CNTN5: variants seen among roughly 807,000 people sequenced by gnomAD.
CNTN5 encodes contactin 5.
CNTN5 carries 77 observed loss-of-function variants against 129.1 expected under a neutral mutation model. The ratio of observed to expected loss-of-function variants is 0.60; its 90% CI spans 0.50 to 0.72. The LOEUF is 0.72. CNTN5 is among the 30% of genes least tolerant of loss of function. The pLI, the probability that CNTN5 is intolerant of heterozygous loss-of-function variation, is 0.00. For synonymous variants in CNTN5, 509 were observed against 465.6 expected (o/e 1.09, Z -1.20); for missense variants, 1,478 against 1,328.8 (o/e 1.11, Z -1.75).
At chr11:99,296,908 G>C (rs1265189017) in intron 1 of CNTN5, among the ~76,000 whole-genome samples, 3 of 152,154 alleles carry the variant, frequency 2.0e-5, no homozygotes, top group Admixed American at 2.0e-4. Flanking sequence ...GATAGTGAAT[G>C]GAGGAGAGAC....
chr11:99,695,596 G>A (rs867365736), intron 3 of CNTN5, among the ~76,000 whole-genome samples: 3 of 151,878 alleles, frequency 2.0e-5, no homozygotes, highest in South Asian at 2.1e-4. Context: ...TGGTGCTTAA[G>A]AACACTAAGG....
At chr11:100,273,545 C>A (rs1005624728) in intron 18 of CNTN5, among the ~76,000 whole-genome samples, 1 of 152,132 alleles carries the variant, frequency 6.6e-6, no homozygotes, top group Non-Finnish European at 1.5e-5. Flanking sequence ...TTGAGTGACC[C>A]CTCCAGCTTG....
chr11:99,425,639 G>C (rs1471166100), intron 2 of CNTN5, among the ~76,000 whole-genome samples: 1 of 152,256 alleles, frequency 6.6e-6, no homozygotes, highest in Non-Finnish European at 1.5e-5. Flanking sequence ...CAGGAGCAGA[G>C]AAAGAGGCCA....
intron 15 of CNTN5, among the ~76,000 whole-genome samples, chr11:100,204,022 T>C (rs1948851392): frequency 6.6e-6 from 1 of 151,744 alleles, no homozygotes; most frequent in African/African-American, 2.4e-5. Flanking sequence ...CCAGGCAACT[T>C]GAAGTCCTTT....
intron 13 of CNTN5, among the ~76,000 whole-genome samples, chr11:100,094,106 G>A (rs1423480537): frequency 6.6e-6 from 1 of 152,056 alleles, no homozygotes; most frequent in African/African-American, 2.4e-5. Context: ...AATCTCTTGG[G>A]TTAAAAAAAT....
chr11:99,399,015 A>T (rs1018231271), intron 2 of CNTN5, among the ~76,000 whole-genome samples: 1 of 151,948 alleles, frequency 6.6e-6, no homozygotes, highest in East Asian at 1.9e-4. Context: ...CAACTTCTCC[A>T]GATAGTAGAG....
intron 1 of CNTN5, among the ~76,000 whole-genome samples, chr11:99,208,966 G>T (rs1271557648): frequency 1.3e-5 from 2 of 152,058 alleles, no homozygotes; most frequent in East Asian, 3.8e-4. Flanking sequence ...AAGTCACAGT[G>T]TAGAATAGAG....
At chr11:100,148,583 G>A (rs570591056) in intron 13 of CNTN5, among the ~76,000 whole-genome samples, 7 of 152,266 alleles carry the variant, frequency 4.6e-5, no homozygotes, top group Non-Finnish European at 7.4e-5. Flanking sequence ...TGTGTGAGTC[G>A]TTTTTGCCAC....
At chr11:99,800,058 C>A (rs952475103) in intron 3 of CNTN5, among the ~76,000 whole-genome samples, 4 of 151,116 alleles carry the variant, frequency 2.6e-5, no homozygotes, top group African/African-American at 9.8e-5. Flanking sequence ...TGGTATGTTA[C>A]ATTGTTTCTG....
At position 99,200,672 on chromosome 11, in the gene CNTN5, G is replaced by A. The variant is rs72996294; in HGVS notation, c.-209-124674G>A. ...TAGCCATCATGATATAAGTGCAAAA[G>A]GGAAAGCACAAGTGGTTAGCACCCT... On this transcript the variant is annotated intron_variant, in intron 1 of 24. Coordinates refer to ENST00000524871, the MANE Select transcript of CNTN5 (RefSeq NM_014361.4). Among the ~76,000 whole-genome samples, 416 of 152,280 alleles carry A rather than the reference G, an allele frequency of 2.7e-3. 1 individual carries two copies. The highest frequency in any genetic ancestry group is 4.8e-3 in the Non-Finnish European group (327 of 68,016).
intron 1 of CNTN5, among the ~76,000 whole-genome samples, chr11:99,038,478 G>A (rs1863850727): frequency 6.6e-6 from 1 of 151,986 alleles, no homozygotes; most frequent in Non-Finnish European, 1.5e-5. Flanking sequence ...ATACATTCCT[G>A]TTAACTGTAG....
intron 8 of CNTN5, among the ~76,000 whole-genome samples, chr11:99,986,458 A>G (rs1004496383): frequency 4.2e-4 from 64 of 152,134 alleles, no homozygotes; most frequent in African/African-American, 1.5e-3. Context: ...ACTAATTACA[A>G]ATAATAAACT....
At chr11:99,079,609 AT>A (rs1366364670) in intron 1 of CNTN5, among the ~76,000 whole-genome samples, 2 of 152,190 alleles carry the variant, frequency 1.3e-5, no homozygotes, top group Non-Finnish European at 2.9e-5. Flanking sequence ...AGAATACAAA[AT>A]TTTATGATGT....
intron 3 of CNTN5, among the ~76,000 whole-genome samples, chr11:99,656,044 A>T (rs1019555298): frequency 1.3e-5 from 2 of 151,420 alleles, no homozygotes; most frequent in Non-Finnish European, 2.9e-5. Flanking sequence ...GTATGTGTGT[A>T]TATAGGTATA....
At chr11:100,108,844 T>C (rs973696315) in intron 13 of CNTN5, among the ~76,000 whole-genome samples, 1 of 152,138 alleles carries the variant, frequency 6.6e-6, no homozygotes. Flanking sequence ...AGTTCAATAA[T>C]GTTTAATTGA....
At chr11:100,252,548 T>C (rs974617652) in intron 16 of CNTN5, among the ~76,000 whole-genome samples, 7 of 152,150 alleles carry the variant, frequency 4.6e-5, no homozygotes, top group African/African-American at 1.7e-4. Context: ...TTGTTTCTGG[T>C]CTTATAGTTA....
rs11375374 is a variant in CNTN5 at position 99,558,198 on chromosome 11, C to CTT, written c.55+1936_55+1937dup. On this transcript the variant is annotated intron_variant, in intron 3 of 24. Transcript: ENST00000524871. ...AGATATTTTATTCAGTGTTGGGTTT[C>CTT]TTTTTTTTGTGCAGCATTACTGTCT... 1,487 of 266,408 alleles carry CTT rather than the reference C, an allele frequency of 5.6e-3. 1 individual carries two copies. The highest frequency in any genetic ancestry group is 0.015 in the South Asian group (411 of 27,956). The allele number at this position is 266,408 out of a possible 1,614,324, so 16.5% of individuals were successfully genotyped here.
intron 7 of CNTN5, among the ~76,000 whole-genome samples, chr11:99,918,767 C>T (rs12290286): frequency 0.12 from 18,458 of 152,128 alleles, 1,503 homozygotes; most frequent in African/African-American, 0.23. Flanking sequence ...CCCTGTTCTT[C>T]GTCCCCTACT....
chr11:99,116,280 C>A (rs1030411285), intron 1 of CNTN5, among the ~76,000 whole-genome samples: 1 of 152,016 alleles, frequency 6.6e-6, no homozygotes, highest in East Asian at 1.9e-4. Context: ...TATTTTATAT[C>A]GATTTCCCCC....
Sources: gnomAD v4.1 joint callset for allele counts (sites outside exome capture counted in the v4.1 genomes callset) on GRCh38, gnomAD v4.1.1 for gene constraint, MANE v1.5 for transcripts, NCBI Gene and HGNC (gene_info 2026-07-23, HGNC 2026-07-21) for gene names.